The following OTUD7A variants were observed in gnomAD, a reference collection of about 807,000 sequenced individuals.
OTUD7A encodes OTU domain-containing protein 7A.
A neutral mutation model predicts 65.7 loss-of-function variants in OTUD7A; 12 were observed. The observed-to-expected ratio is 0.18, with a 90% CI of 0.12 to 0.30. The LOEUF is 0.30. OTUD7A is among the 10% of genes least tolerant of loss of function. The pLI, the probability that OTUD7A is intolerant of heterozygous loss-of-function variation, is 1.00. For missense variants in OTUD7A, 1,148 were observed against 1,304.8 expected, an observed-to-expected ratio of 0.88 and a Z score of 1.85; for synonymous variants, 641 against 586.3, an observed-to-expected ratio of 1.09 and a Z score of -1.35.
chr15:31,518,724 G>C (rs534477569), intron 8 of OTUD7A, among the ~76,000 whole-genome samples: 172 of 152,352 alleles, frequency 1.1e-3, no homozygotes, highest in Non-Finnish European at 1.8e-3. Flanking sequence ...ATTTCTGAGA[G>C]GTGTGCCTCA....
At chr15:31,750,564 A>G (rs1338046000) in intron 1 of OTUD7A, among the ~76,000 whole-genome samples, 1 of 152,158 alleles carries the variant, frequency 6.6e-6, no homozygotes. Flanking sequence ...TCCTGAGCAA[A>G]AAGAACAAAG....
At chr15:31,566,882 CA>C (rs1422070707) in intron 4 of OTUD7A, among the ~76,000 whole-genome samples, 2 of 152,310 alleles carry the variant, frequency 1.3e-5, no homozygotes, top group East Asian at 3.9e-4. Flanking sequence ...GAGGCCTCCC[CA>C]GAAGCTGAGC....
At chr15:31,773,248 T>C (rs1364149577) in intron 1 of OTUD7A, among the ~76,000 whole-genome samples, 1 of 152,274 alleles carries the variant, frequency 6.6e-6, no homozygotes, top group Non-Finnish European at 1.5e-5. Flanking sequence ...ATTCATTATC[T>C]GGTGAAGCAA....
chr15:31,832,594 A>C (rs183063440), intron 1 of OTUD7A, among the ~76,000 whole-genome samples: 140 of 152,286 alleles, frequency 9.2e-4, no homozygotes, highest in African/African-American at 3.3e-3. Flanking sequence ...CCCATTAAAC[A>C]ACAGCTCCAC....
At chr15:31,831,855 C>T (rs1008461860) in intron 1 of OTUD7A, among the ~76,000 whole-genome samples, 5 of 152,228 alleles carry the variant, frequency 3.3e-5, no homozygotes, top group African/African-American at 4.8e-5. Flanking sequence ...ATCACAGGGG[C>T]GTTCCGCCGA....
rs1203363052 is a variant in OTUD7A at position 31,479,868 on chromosome 15, C to T, written c.*3426G>A. The T allele has an allele frequency of 2.6e-5, 4 of 152,184 alleles. No individual in the cohort carries two copies. The highest frequency in any genetic ancestry group is 9.7e-5 in the African/African-American group (4 of 41,448). 9.4% of individuals were successfully genotyped at this position (152,184 alleles called of 1,614,324 possible). A position where few individuals can be genotyped will look rare whatever the true frequency, so the allele number is the denominator to read the frequency against. ...GATTTGTAAATAGATTCAAATGCCA[C>T]TGGGTGGTAATAGGTATGAAAAGGT... On this transcript the variant is annotated 3_prime_UTR_variant, in exon 13 of 13. Transcript: ENST00000307050.
At chr15:31,832,863 G>T (rs775435519) in intron 1 of OTUD7A, among the ~76,000 whole-genome samples, 13 of 152,150 alleles carry the variant, frequency 8.5e-5, no homozygotes, top group Non-Finnish European at 1.8e-4. Flanking sequence ...GGTCACTTGG[G>T]TTGCTCCCAC....
At chr15:31,630,307 G>C (rs1400733929) in intron 3 of OTUD7A, among the ~76,000 whole-genome samples, 5 of 150,486 alleles carry the variant, frequency 3.3e-5, no homozygotes, top group African/African-American at 1.2e-4. Flanking sequence ...GTTCTCGTTG[G>C]TTTCAAAGAA....
chr15:31,503,209 C>T (rs2141083519), intron 9 of OTUD7A, among the ~76,000 whole-genome samples: 1 of 152,328 alleles, frequency 6.6e-6, no homozygotes, highest in Non-Finnish European at 1.5e-5. Context: ...GGTGGGCAGG[C>T]CATAAACTGC....
intron 3 of OTUD7A, among the ~76,000 whole-genome samples, chr15:31,592,609 G>C (rs1015849083): frequency 6.6e-6 from 1 of 151,742 alleles, no homozygotes; most frequent in Non-Finnish European, 1.5e-5. Context: ...AGGGCCGCGC[G>C]GTGGCTCACG....
At chr15:31,503,421 C>T (rs998262846) in intron 9 of OTUD7A, among the ~76,000 whole-genome samples, 1 of 152,202 alleles carries the variant, frequency 6.6e-6, no homozygotes, top group Non-Finnish European at 1.5e-5. Context: ...CCTAGGCACA[C>T]GACAGGAGAC....
At chr15:31,657,561 C>T (rs1270836650) in intron 1 of OTUD7A, among the ~76,000 whole-genome samples, 1 of 151,274 alleles carries the variant, frequency 6.6e-6, no homozygotes, top group Non-Finnish European at 1.5e-5. Context: ...CAGGGTTTCA[C>T]CATGTTAGCT....
intron 1 of OTUD7A, among the ~76,000 whole-genome samples, chr15:31,827,884 G>A (rs138173936): frequency 2.6e-5 from 4 of 152,038 alleles, no homozygotes; most frequent in East Asian, 3.9e-4. Flanking sequence ...GCAGTGAGCC[G>A]AGGTCACACC....
At chr15:31,758,318 G>A (rs1039517113) in intron 1 of OTUD7A, among the ~76,000 whole-genome samples, 1 of 152,138 alleles carries the variant, frequency 6.6e-6, no homozygotes, top group Non-Finnish European at 1.5e-5. Context: ...CTAAGCATGT[G>A]GTCATCGCCC....
intron 5 of OTUD7A, among the ~76,000 whole-genome samples, chr15:31,532,544 A>AC (rs1237653710): frequency 4.0e-5 from 6 of 150,958 alleles, no homozygotes; most frequent in South Asian, 2.1e-4. Context: ...AAAAAAAAAA[A>AC]CACATATACA....
intron 4 of OTUD7A, among the ~76,000 whole-genome samples, chr15:31,566,088 G>A (rs1224318890): frequency 1.3e-5 from 2 of 152,094 alleles, no homozygotes; most frequent in East Asian, 3.9e-4. Flanking sequence ...TTACTCGGGA[G>A]GCTGAAGCAG....
intron 1 of OTUD7A, among the ~76,000 whole-genome samples, chr15:31,835,347 C>T (rs1336366782): frequency 6.6e-6 from 1 of 152,162 alleles, no homozygotes; most frequent in Non-Finnish European, 1.5e-5. Context: ...ATCTGAAATT[C>T]AAATTTAACT....
At chr15:31,663,607 C>T (rs1892233927) in intron 1 of OTUD7A, among the ~76,000 whole-genome samples, 1 of 152,120 alleles carries the variant, frequency 6.6e-6, no homozygotes, top group African/African-American at 2.4e-5. Flanking sequence ...CTGCAAAGGA[C>T]ATGATCTGTT....
chr15:31,543,795 T>C (rs942591831), intron 5 of OTUD7A, among the ~76,000 whole-genome samples: 13 of 151,938 alleles, frequency 8.6e-5, no homozygotes, highest in Non-Finnish European at 1.6e-4. Flanking sequence ...AAGTACTCAA[T>C]CATGATGAAA....
Sources: allele counts gnomAD v4.1 joint callset (sites outside exome capture counted in the v4.1 genomes callset), GRCh38; gene constraint gnomAD v4.1.1; transcripts MANE v1.5; gene names NCBI Gene and HGNC (gene_info 2026-07-23, HGNC 2026-07-21).